Variants in HSPG2 observed in about 807,000 individuals in gnomAD.
The protein encoded by HSPG2 is basement membrane-specific heparan sulfate proteoglycan core protein.
A neutral mutation model predicts 526.6 loss-of-function variants in HSPG2; 278 were observed. The observed-to-expected ratio is 0.53, with a 90% confidence interval of 0.48 to 0.58. The LOEUF (loss-of-function observed/expected upper bound fraction) is 0.58, where lower values mean the gene tolerates loss of function less well. Ranked by LOEUF, HSPG2 falls within the 20% of genes least tolerant of loss-of-function variation. The pLI is 0.00. For synonymous variants in HSPG2, 2,465 were observed against 2,555.4 expected, an observed-to-expected ratio of 0.96 and a Z score of 1.07; for missense variants, 5,354 against 6,099.5, an observed-to-expected ratio of 0.88 and a Z score of 4.07.
rs775214005 is a variant in HSPG2, at chr1:21,878,226, C to T, written c.2645G>A (p.Arg882His). 24 of 1,613,782 alleles carry T rather than the reference C, an allele frequency of 1.5e-5. No homozygotes were observed. The highest frequency in any genetic ancestry group is 3.3e-5 in the Admixed American group (2 of 59,996). The change falls in exon 21 of 97, where the codon CGT becomes CAT. Residue 882 changes from arginine (R) to histidine (H), a missense_variant. Physicochemically the swap from Arg to His is conservative, Grantham distance 29. Transcript: ENST00000374695. ...VNQEIVRCDE[R>H]GSMGTSGEAC... ...CTCCCCGGAGGTCCCCATGCTGCCA[C>T]GCTCGTCACAGCGCACAATCTCCTG...
Position 21,838,808 on chromosome 1 carries a change from G to C in HSPG2, c.10150+17C>G. ...AGGAAAGGTGATCCCCTTCCACGCA[G>C]AGCCGGGGCTGCTTACCTTGGACGA... On this transcript the variant is annotated intron_variant, in intron 74 of 96. Coordinates refer to ENST00000374695, the MANE Select transcript of HSPG2 (RefSeq NM_005529.7). 1 of 1,610,462 alleles carries C rather than the reference G, an allele frequency of 6.2e-7. No homozygotes were observed. Among genetic ancestry groups the C allele is most frequent in the Non-Finnish European group, 8.5e-7 (1 of 1,179,124 alleles).
rs1392472516 is a variant in HSPG2, at chr1:21,851,789, A to AC, written c.7006+1dup. 6.2e-7 allele frequency: 1 copy of AC among 1,613,892 alleles called. No homozygotes were observed. On this transcript the variant is annotated splice_donor_variant, in intron 54 of 96. Coordinates refer to ENST00000374695, the MANE Select transcript of HSPG2 (RefSeq NM_005529.7). LOFTEE classifies it high-confidence loss of function. ...CCAGCCCAGCCTGGTGGCCCCACTC[A>AC]CGGTAGGCTAAGTTGGCCCCCTGGG...
At chr1:21,936,292 G>A (rs1024205479) in intron 1 of HSPG2, among the ~76,000 whole-genome samples, 14 of 152,126 alleles carry the variant, frequency 9.2e-5, no homozygotes, top group African/African-American at 2.7e-4. Flanking sequence ...ATTCCTGACC[G>A]TAGAATTCCC....
rs1042882632 is a variant in HSPG2 at position 21,830,829 on chromosome 1, G to A, written c.11671+153C>T. On this transcript the variant is annotated intron_variant, in intron 85 of 96. Transcript: ENST00000374695. ...GTGAGGGCCTTCGGGTAGCAGAGAT[G>A]GGGGATGGGTACATGGGAGGAGTGG... is the stretch of plus-strand genomic sequence containing the variant. 62 of 639,592 alleles carry A rather than the reference G, an allele frequency of 9.7e-5. No homozygotes were observed. The Admixed American group carries it at 1.2e-3, about 12-fold the overall frequency. 39.6% of individuals were successfully genotyped at this position (639,592 alleles called of 1,614,324 possible). A position where few individuals can be genotyped will look rare whatever the true frequency, so the allele number is the denominator to read the frequency against.
chr1:21,903,016 C>T (rs1643182724), intron 1 of HSPG2, among the ~76,000 whole-genome samples: 2 of 152,240 alleles, frequency 1.3e-5, no homozygotes. Context: ...ACTAATAAAT[C>T]TGCGGACTCA....
chr1:21,914,833 G>A (rs1343857682), intron 1 of HSPG2, among the ~76,000 whole-genome samples: 5 of 152,158 alleles, frequency 3.3e-5, no homozygotes, highest in African/African-American at 1.2e-4. Flanking sequence ...AGGTGTGAAT[G>A]CCAGGTGCAG....
At chr1:21,850,900 T>C (rs1435678875) in intron 55 of HSPG2, among the ~76,000 whole-genome samples, 1 of 152,086 alleles carries the variant, frequency 6.6e-6, no homozygotes, top group Admixed American at 6.5e-5. Flanking sequence ...ATTAACAGCT[T>C]AGAGTACTTT....
rs773250058 is a variant in HSPG2, at chr1:21,823,566, T to C, written c.13003+50A>G. ...AGGAAGGCTGGGCGAGCTCTAGCCC[T>C]AAGGGAGTGCCGTTCCTGCCCCTGC... On this transcript the variant is annotated intron_variant, in intron 96 of 96. Transcript: ENST00000374695. 4.6e-5 allele frequency: 74 copies of C among 1,609,496 alleles called. No individual in the cohort carries two copies. In the South Asian group the frequency reaches 7.8e-4, roughly 17 times the overall value.
intron 69 of HSPG2, among the ~76,000 whole-genome samples, 162 bp downstream of exon 69, chr1:21,841,840 C>T (rs949300990): frequency 6.6e-6 from 1 of 152,190 alleles, no homozygotes; most frequent in Admixed American, 6.5e-5. Context: ...TTGGAAACTC[C>T]TGGGTCCAGC....
intron 85 of HSPG2, chr1:21,830,575 A>C (rs2097998458): frequency 3.5e-6 from 1 of 286,880 alleles, no homozygotes; most frequent in Non-Finnish European, 6.7e-6. Context: ...TTGTATTCCC[A>C]GCTACTCAGG....
intron 33 of HSPG2, chr1:21,870,854 G>A (rs1343437429): frequency 8.1e-6 from 8 of 986,278 alleles, no homozygotes; most frequent in Admixed American, 1.2e-4. Context: ...CGGCGCATCC[G>A]CGCAAAGTAC....
chr1:21,920,433 G>A (rs1013908694), intron 1 of HSPG2, among the ~76,000 whole-genome samples: 1 of 152,166 alleles, frequency 6.6e-6, no homozygotes, highest in South Asian at 2.1e-4. Context: ...CCGGCTCCTT[G>A]CTGGGTCAGC....
chr1:21,877,815 C>T (rs546916190), intron 21 of HSPG2, among the ~76,000 whole-genome samples: 2 of 152,250 alleles, frequency 1.3e-5, no homozygotes, highest in East Asian at 1.9e-4. Flanking sequence ...CCATTCCTAA[C>T]GCAAGTGACC....
rs59720663 is a variant in HSPG2 at position 21,855,299 on chromosome 1, C to G, written c.5997+5G>C. ...TCCTCCTCCTGGGTGGGCCCATCTC[C>G]TCACCTGTGGTGGGAGGCTGCCCCC... On this transcript the variant is annotated splice_donor_5th_base_variant and intron_variant, in intron 47 of 96. Coordinates refer to ENST00000374695, the MANE Select transcript of HSPG2 (RefSeq NM_005529.7). 2.0e-3 allele frequency: 3,157 copies of G among 1,601,332 alleles called. 51 individuals are homozygous for G. The African/African-American group carries it at 0.037, about 19-fold the overall frequency.
At chr1:21,841,373 G>C (rs1476972548) in intron 70 of HSPG2, 88 bp from the exon 71 acceptor site, 2 of 1,575,062 alleles carry the variant, frequency 1.3e-6, no homozygotes, top group Non-Finnish European at 1.7e-6. Flanking sequence ...GTAACTGCTG[G>C]GTGGGCACCT....
chr1:21,827,752 G>C (rs1210939783), intron 91 of HSPG2, 111 bp downstream of exon 91: 6 of 1,117,296 alleles, frequency 5.4e-6, no homozygotes. Context: ...TCTCTGCCCA[G>C]CAAGCTCCTC....
intron 44 of HSPG2, 41 bp from the exon 45 acceptor site, chr1:21,855,953 G>A (rs769958361): frequency 1.2e-6 from 2 of 1,600,300 alleles, no homozygotes; most frequent in Non-Finnish European, 8.5e-7. Flanking sequence ...AGGGTGGGGA[G>A]TGTCGTCTGA....
At chr1:21,879,232 G>T in intron 17 of HSPG2, 111 bp from the exon 18 acceptor site, 1 of 1,301,604 alleles carries the variant, frequency 7.7e-7, no homozygotes, top group Non-Finnish European at 1.1e-6. Context: ...TGGAGGCACA[G>T]CTTTGCAGAC....
chr1:21,873,903 C>G (rs758423964), intron 29 of HSPG2, 22 bp downstream of exon 29: 1 of 1,554,078 alleles, frequency 6.4e-7, no homozygotes, highest in South Asian at 1.2e-5. Context: ...CATCCCCCCA[C>G]CCTCTCCACC....
Sources: gnomAD v4.1 joint callset for allele counts (sites outside exome capture counted in the v4.1 genomes callset) on GRCh38, gnomAD v4.1.1 for gene constraint, MANE v1.5 for transcripts, NCBI Gene and HGNC (gene_info 2026-07-23, HGNC 2026-07-21) for gene names.